Variants in MAPK8IP3 observed in about 807,000 individuals in gnomAD.
The protein encoded by MAPK8IP3 is mitogen-activated protein kinase 8 interacting protein 3.
A neutral mutation model predicts 157.8 loss-of-function variants in MAPK8IP3; 49 were observed. The observed-to-expected ratio is 0.31, with a 90% CI of 0.25 to 0.39. The LOEUF (loss-of-function observed/expected upper bound fraction) is 0.39, where lower values mean the gene tolerates loss of function less well. Among genes scored for constraint, MAPK8IP3 ranks in the 10% least tolerant of loss-of-function variants. The probability of loss-of-function intolerance (pLI) is 1.00; values close to 1 mark genes in which losing one functional copy is unlikely to be tolerated. For synonymous variants in MAPK8IP3, 897 were observed against 777.7 expected, an observed-to-expected ratio of 1.15 and a Z score of -2.55; for missense variants, 1,478 against 1,889.4, an observed-to-expected ratio of 0.78 and a Z score of 4.04.
At position 1,742,715 on chromosome 16, in the gene MAPK8IP3, A is replaced by C. The variant is rs551692405; in HGVS notation, c.603-617A>C. On this transcript the variant is annotated intron_variant, in intron 4 of 31. Transcript: ENST00000610761. This position sits in a 1 kb window ranked among gnomAD's most constrained non-coding sequence, Gnocchi z 5.0. Reference sequence around the variant, plus strand: ...AGGCAGGGCTGGGCACACATAAGACAATGGTCCTAAAAGGCATTGCTCATG... The same window carrying C: ...AGGCAGGGCTGGGCACACATAAGACCATGGTCCTAAAAGGCATTGCTCATG... Among the ~76,000 whole-genome samples the C allele has an allele frequency of 6.6e-6, 1 of 152,112 alleles. No individual in the cohort carries two copies. The highest frequency in any genetic ancestry group is 2.4e-5 in the African/African-American group (1 of 41,420).
chr16:1,752,215 CG>C, intron 8 of MAPK8IP3: 1 of 163,650 alleles, frequency 6.1e-6, no homozygotes, highest in South Asian at 1.2e-4. Flanking sequence ...CCCACGAGAC[CG>C]TGAGGCAGTC....
rs1338011041 is a variant in MAPK8IP3 at position 1,767,664 on chromosome 16, G to A, written c.3338G>A (p.Arg1113Lys). The change falls in exon 27 of 32, where the codon AGG becomes AAG. Residue 1113 changes from arginine (R) to lysine (K), a missense_variant. By Grantham distance (26) the Arg-to-Lys change is conservative. This residue lies in a region of MAPK8IP3 where 68 missense variants were observed against 125.1 expected (regional missense o/e 0.54). Coordinates refer to ENST00000610761, the MANE Select transcript of MAPK8IP3 (RefSeq NM_001318852.2). The part of the protein sequence containing the change: ...WVSIRLDSTL[R>K]LYHAHTHQHL... ...TCCATCCGCCTGGACTCCACCCTGA[G>A]GCTCTACCATGCACACACGCACCAG... 6.2e-7 allele frequency: 1 copy of A among 1,612,786 alleles called. No homozygotes were observed. Among genetic ancestry groups the A allele is most frequent in the Admixed American group, 1.7e-5 (1 of 60,006 alleles).
chr16:1,760,500 C>A lies in MAPK8IP3; in HGVS notation c.1425C>A (p.Asn475Lys). The change falls in exon 12 of 32, where the codon AAC becomes AAA. Residue 475 changes from asparagine to lysine, a missense_variant. Coordinates refer to ENST00000610761, the MANE Select transcript of MAPK8IP3 (RefSeq NM_001318852.2). ...AAKQAKVKLENRIKELEEELK... is the reference protein window; with the variant it reads ...AAKQAKVKLEKRIKELEEELK... ...AGCAGGCCAAAGTCAAGCTGGAAAA[C>A]CGTATCAAGGAGCTGGAAGAGGAAC... 5 of 1,613,774 alleles carry A rather than the reference C, an allele frequency of 3.1e-6. No individual in the cohort carries two copies. Among genetic ancestry groups the A allele is most frequent in the Non-Finnish European group, 4.2e-6 (5 of 1,179,798 alleles).
intron 19 of MAPK8IP3, 141 bp from the exon 20 acceptor site, chr16:1,764,872 G>C (rs2042165857): frequency 5.1e-6 from 4 of 784,364 alleles, no homozygotes; most frequent in Non-Finnish European, 8.1e-6. Context: ...GCATTGTTCT[G>C]GTCCTGGGGG....
In MAPK8IP3 at chr16:1,766,598, A is replaced by G. The variant is rs762702790; in HGVS notation, c.2889A>G (p.Gly963=). ...CAGAGCCCAGCGGGGACCCCACGGG[A>G]GCAGGCAGCAGTGCTGCACCCACCA... ...PEPEPSGDPT[G]AGSSAAPTMW... The change falls in exon 23 of 32, where the codon GGA becomes GGG. Residue 963 remains glycine (G), a synonymous_variant. Transcript: ENST00000610761. 2 of 1,612,424 alleles carry G rather than the reference A, an allele frequency of 1.2e-6. No individual in the cohort carries two copies. The highest frequency in any genetic ancestry group is 2.2e-5 in the South Asian group (2 of 91,074).
intron 19 of MAPK8IP3, 57 bp downstream of exon 19, chr16:1,764,516 G>A: frequency 6.4e-7 from 1 of 1,572,440 alleles, no homozygotes; most frequent in African/African-American, 1.3e-5. Context: ...GGACAGCTCA[G>A]CTGCAGAGCA....
Position 1,767,516 on chromosome 16 carries a change from T to C in MAPK8IP3, c.3238-48T>C. 3.1e-6 allele frequency: 5 copies of C among 1,588,970 alleles called. 1 individual carries two copies. In the South Asian group the frequency reaches 5.6e-5, roughly 18 times the overall value. ...CTGTGGCAGGTTTGGGGCTCCCCAC[T>C]TCCTCTCCTCTCCCCAGCCCTGTTG... On this transcript the variant is annotated intron_variant, in intron 26 of 31. Transcript: ENST00000610761.
chr16:1,760,749 G>A (rs1054175397), intron 12 of MAPK8IP3, among the ~76,000 whole-genome samples: 2 of 152,174 alleles, frequency 1.3e-5, no homozygotes, highest in East Asian at 1.9e-4. Context: ...TGTCTCACGC[G>A]TTCCTTCTCT....
intron 4 of MAPK8IP3, among the ~76,000 whole-genome samples, chr16:1,731,786 C>T (rs1330313204): frequency 2.0e-5 from 3 of 152,302 alleles, no homozygotes; most frequent in Non-Finnish European, 4.4e-5. Context: ...CAATCTTATA[C>T]GCGTACCTGC....
intron 1 of MAPK8IP3, among the ~76,000 whole-genome samples, chr16:1,712,902 T>C (rs1361639237): frequency 6.6e-6 from 1 of 152,200 alleles, no homozygotes; most frequent in East Asian, 1.9e-4. Flanking sequence ...ACCAGGCCTC[T>C]CTCCCGGCTT....
At chr16:1,753,043 A>T (rs1165296780) in intron 8 of MAPK8IP3, among the ~76,000 whole-genome samples, 2 of 152,202 alleles carry the variant, frequency 1.3e-5, no homozygotes, top group Non-Finnish European at 2.9e-5. Context: ...CAGATCTGGG[A>T]AAGAGCATCA....
rs1178559556 is a variant in MAPK8IP3 at position 1,768,497 on chromosome 16, A to C, written c.3763A>C (p.Asn1255His). ...CCCAGGGAACGTGCTGGCCACCCTG[A>C]ATGGGAGTGTGCTGGACAGCCCAGC... ...SVPGNVLATL[N>H]GSVLDSPAEG... The change falls in exon 31 of 32, where the codon AAT becomes CAT. Residue 1255 changes from asparagine to histidine, a missense_variant. By Grantham distance (68) the Asn-to-His change is moderately conservative (BLOSUM62 1). Around this residue, in one of 11 missense-constraint regions of MAPK8IP3, gnomAD observed 133 missense variants for 133.4 expected, o/e 1.00. Transcript: ENST00000610761. The C allele has an allele frequency of 6.4e-7, 1 of 1,561,214 alleles. No homozygotes were observed. Among genetic ancestry groups the C allele is most frequent in the Non-Finnish European group, 8.6e-7 (1 of 1,156,666 alleles).
intron 8 of MAPK8IP3, among the ~76,000 whole-genome samples, chr16:1,757,707 C>G (rs1376427176): frequency 2.0e-5 from 3 of 152,216 alleles, no homozygotes; most frequent in African/African-American, 7.2e-5. Flanking sequence ...CCTAGGAGTC[C>G]AGCTCCAGGC....
chr16:1,739,219 CGT>C (rs1275884945), intron 4 of MAPK8IP3, among the ~76,000 whole-genome samples: 10 of 98,744 alleles, frequency 1.0e-4, no homozygotes, highest in East Asian at 3.3e-4. Flanking sequence ...TCCGTGTGAG[CGT>C]GTGACCGTCC....
chr16:1,739,174 C>T (rs1403956640), intron 4 of MAPK8IP3, among the ~76,000 whole-genome samples: 2 of 114,256 alleles, frequency 1.8e-5, no homozygotes, highest in Admixed American at 2.2e-4. Context: ...GTGTGACCAT[C>T]CATGTGAGCA....
intron 30 of MAPK8IP3, 43 bp downstream of exon 30, chr16:1,768,421 A>G: frequency 6.3e-7 from 1 of 1,597,032 alleles, no homozygotes; most frequent in Non-Finnish European, 8.5e-7. Flanking sequence ...CCTGCATGCC[A>G]GTGGCCGCCG....
chr16:1,728,966 C>G (rs144210600), intron 2 of MAPK8IP3, among the ~76,000 whole-genome samples, 172 bp from the exon 3 acceptor site: 3 of 152,284 alleles, frequency 2.0e-5, no homozygotes, highest in Middle Eastern at 3.4e-3. Context: ...CATCGCACAA[C>G]GCACACAGCA....
At position 1,748,496 on chromosome 16, in the gene MAPK8IP3, G is replaced by T. The variant is rs2041102801; in HGVS notation, c.1098-106G>T. The T allele has an allele frequency of 1.2e-5, 14 of 1,155,556 alleles. No individual in the cohort carries two copies. The South Asian group carries it at 1.4e-4, about 12-fold the overall frequency. 71.6% of individuals were successfully genotyped at this position (1,155,556 alleles called of 1,614,324 possible). On this transcript the variant is annotated intron_variant, in intron 7 of 31. Coordinates refer to ENST00000610761, the MANE Select transcript of MAPK8IP3 (RefSeq NM_001318852.2). ...CCACGACCGGCCTGCAGGGCAGTGT[G>T]GGCATTGAATGGCCACGGTGGGAGG...
intron 4 of MAPK8IP3, among the ~76,000 whole-genome samples, chr16:1,733,086 C>T (rs919476137): frequency 4.6e-5 from 7 of 152,232 alleles, no homozygotes; most frequent in African/African-American, 9.6e-5. Context: ...AACCTGGACC[C>T]GGGATCTTTG....
Sources: gnomAD v4.1 joint callset for allele counts (sites outside exome capture counted in the v4.1 genomes callset) on GRCh38, gnomAD v4.1.1 for gene constraint, gnomAD v4.1.1 regional missense constraint, Gnocchi (gnomAD v3.1) non-coding constraint, MANE v1.5 for transcripts, NCBI Gene and HGNC (gene_info 2026-07-23, HGNC 2026-07-21) for gene names.